Variants in OPCML observed in about 807,000 individuals in gnomAD.
OPCML encodes opioid-binding protein/cell adhesion molecule.
OPCML carries 13 observed loss-of-function variants against 37.8 expected under a neutral mutation model. That is an observed-to-expected ratio of 0.34 (90% CI 0.22 to 0.55). OPCML has a LOEUF of 0.55. Ranked by LOEUF, OPCML falls within the 20% of genes least tolerant of loss-of-function variation. The pLI is 0.91. For missense variants in OPCML, 341 were observed against 435.6 expected (o/e 0.78, Z 1.93); for synonymous variants, 176 against 168.8 (o/e 1.04, Z -0.33).
chr11:132,965,401 C>T (rs1565371132), intron 1 of OPCML, among the ~76,000 whole-genome samples: 1 of 151,960 alleles, frequency 6.6e-6, no homozygotes, highest in South Asian at 2.1e-4. Context: ...AAACCTCTTG[C>T]CTATTTACAG....
intron 1 of OPCML, among the ~76,000 whole-genome samples, chr11:133,016,651 G>A (rs968291158): frequency 6.6e-5 from 10 of 152,128 alleles, no homozygotes; most frequent in Non-Finnish European, 1.3e-4. Flanking sequence ...GAGTTAGGAC[G>A]GGCATCTTTA....
chr11:132,702,453 G>A (rs1382939571), intron 2 of OPCML, among the ~76,000 whole-genome samples: 1 of 152,150 alleles, frequency 6.6e-6, no homozygotes, highest in Non-Finnish European at 1.5e-5. Context: ...TCCATTGTAT[G>A]TAACCAGTCA....
chr11:133,197,815 C>A (rs1422127791), intron 1 of OPCML, among the ~76,000 whole-genome samples: 1 of 152,158 alleles, frequency 6.6e-6, no homozygotes, highest in East Asian at 1.9e-4. Context: ...CAAGCGTGAT[C>A]CGAGTAGGAC....
chr11:133,402,249 A>AT (rs140933726), intron 1 of OPCML, among the ~76,000 whole-genome samples: 2,317 of 148,868 alleles, frequency 0.016, 66 homozygotes, highest in African/African-American at 0.054. Flanking sequence ...ACCTGATTTT[A>AT]TAAAAAAAAA....
At chr11:132,958,259 A>G (rs2136713116) in intron 1 of OPCML, among the ~76,000 whole-genome samples, 1 of 152,362 alleles carries the variant, frequency 6.6e-6, no homozygotes, top group South Asian at 2.1e-4. Context: ...GCCAAAGCCT[A>G]ATCCAGAGCG....
intron 4 of OPCML, among the ~76,000 whole-genome samples, chr11:132,439,997 C>A (rs1328296237): frequency 6.6e-6 from 1 of 152,096 alleles, no homozygotes; most frequent in Non-Finnish European, 1.5e-5. Context: ...TGCCAGTAGA[C>A]TTAGAAATGT....
intron 1 of OPCML, among the ~76,000 whole-genome samples, chr11:133,075,434 G>A (rs1948606400): frequency 6.6e-6 from 1 of 152,214 alleles, no homozygotes; most frequent in Non-Finnish European, 1.5e-5. Context: ...CAGCTTTCTA[G>A]AGAAAGGAGG....
At chr11:132,822,742 T>A (rs977583389) in intron 2 of OPCML, among the ~76,000 whole-genome samples, 1 of 152,192 alleles carries the variant, frequency 6.6e-6, no homozygotes, top group East Asian at 1.9e-4. Context: ...ACTGCATGCA[T>A]ATGTTCACAC....
chr11:133,176,337 C>CTTT (rs3049633), intron 1 of OPCML, among the ~76,000 whole-genome samples: 1,497 of 139,994 alleles, frequency 0.011, 22 homozygotes, highest in South Asian at 0.039. Flanking sequence ...CTTCATTTTC[C>CTTT]TTTTTTTTTT....
At chr11:132,809,689 T>A (rs903737646) in intron 2 of OPCML, among the ~76,000 whole-genome samples, 1 of 152,076 alleles carries the variant, frequency 6.6e-6, no homozygotes, top group Admixed American at 6.6e-5. Context: ...CAAGTGTTTA[T>A]TTATGATTTA....
chr11:133,037,882 C>T (rs957516644), intron 1 of OPCML, among the ~76,000 whole-genome samples: 1 of 152,222 alleles, frequency 6.6e-6, no homozygotes, highest in African/African-American at 2.4e-5. Flanking sequence ...GTGACCCTAA[C>T]TGAGCGTCTC....
At chr11:132,913,746 A>G (rs1349627145) in intron 2 of OPCML, among the ~76,000 whole-genome samples, 1 of 152,142 alleles carries the variant, frequency 6.6e-6, no homozygotes, top group Non-Finnish European at 1.5e-5. Context: ...CACAACTCCA[A>G]GAGGGAACCA....
chr11:132,736,258 G>A (rs1945252313), intron 2 of OPCML, among the ~76,000 whole-genome samples: 2 of 152,138 alleles, frequency 1.3e-5, no homozygotes, highest in South Asian at 2.1e-4. Context: ...ATTGAGAGAA[G>A]CTACTCAAGG....
intron 3 of OPCML, among the ~76,000 whole-genome samples, chr11:132,555,724 CT>C (rs112916467): frequency 6.6e-6 from 1 of 152,078 alleles, no homozygotes; most frequent in Non-Finnish European, 1.5e-5. Context: ...ACCATGCCCC[CT>C]TCATCCATTT....
intron 3 of OPCML, among the ~76,000 whole-genome samples, chr11:132,603,745 C>T (rs1938084336): frequency 6.6e-6 from 1 of 152,160 alleles, no homozygotes; most frequent in African/African-American, 2.4e-5. Flanking sequence ...GTATTCCTAC[C>T]TGATTGTACT....
At chr11:132,929,532 C>T (rs1002220453) in intron 2 of OPCML, among the ~76,000 whole-genome samples, 27 of 152,148 alleles carry the variant, frequency 1.8e-4, no homozygotes, top group African/African-American at 6.5e-4. Context: ...GGAGAGAACA[C>T]TTCCAAACTC....
intron 1 of OPCML, among the ~76,000 whole-genome samples, chr11:133,413,788 G>A (rs1170859994): frequency 1.3e-5 from 2 of 152,182 alleles, no homozygotes; most frequent in African/African-American, 2.4e-5. Flanking sequence ...AAACCGACAA[G>A]AGTGATTGTG....
chr11:133,330,456 A>C (rs1271335455), intron 1 of OPCML, among the ~76,000 whole-genome samples: 1 of 152,160 alleles, frequency 6.6e-6, no homozygotes, highest in Non-Finnish European at 1.5e-5. Flanking sequence ...ACAACGATAG[A>C]CTGGATTAAG....
At chr11:133,204,909 TAC>T (rs1555114265) in intron 1 of OPCML, among the ~76,000 whole-genome samples, 11 of 130,656 alleles carry the variant, frequency 8.4e-5, no homozygotes, top group African/African-American at 1.2e-4. Flanking sequence ...TATATATATA[TAC>T]ATACACATTT....
Sources: allele counts gnomAD v4.1 joint callset (sites outside exome capture counted in the v4.1 genomes callset), GRCh38; gene constraint gnomAD v4.1.1; transcripts MANE v1.5; gene names NCBI Gene and HGNC (gene_info 2026-07-23, HGNC 2026-07-21).